Variants in SPOCK1 observed in about 807,000 individuals in gnomAD.
SPOCK1 encodes SPARC (osteonectin), cwcv and kazal like domains proteoglycan 1.
Under a neutral mutation model 55.3 loss-of-function variants are expected in SPOCK1, and 23 were observed. That is an observed-to-expected ratio of 0.42 (90% CI 0.30 to 0.59). SPOCK1 has a LOEUF of 0.59. Among genes scored for constraint, SPOCK1 ranks in the 20% least tolerant of loss-of-function variants. The pLI, the probability that SPOCK1 is intolerant of heterozygous loss-of-function variation, is 0.22. For synonymous variants in SPOCK1, 226 were observed against 221.0 expected, an observed-to-expected ratio of 1.02 and a Z score of -0.20; for missense variants, 499 against 552.5, an observed-to-expected ratio of 0.90 and a Z score of 0.97.
intron 2 of SPOCK1, among the ~76,000 whole-genome samples, chr5:137,465,232 C>T (rs1753595809): frequency 6.6e-6 from 1 of 152,118 alleles, no homozygotes; most frequent in African/African-American, 2.4e-5. Flanking sequence ...GAAGAGACTA[C>T]CAAATCAAAC....
chr5:136,985,974 T>TTCTTA (rs1750833189), intron 8 of SPOCK1, among the ~76,000 whole-genome samples: 1 of 152,130 alleles, frequency 6.6e-6, no homozygotes, highest in African/African-American at 2.4e-5. Flanking sequence ...GTTCTCTGAG[T>TTCTTA]TCTTATCTTT....
intron 3 of SPOCK1, among the ~76,000 whole-genome samples, chr5:137,168,692 A>C (rs1242013135): frequency 6.6e-6 from 1 of 152,176 alleles, no homozygotes; most frequent in Admixed American, 6.6e-5. Flanking sequence ...TTTTTTCCAT[A>C]AGACAGGCAA....
At chr5:137,202,970 A>T (rs1755453858) in intron 3 of SPOCK1, among the ~76,000 whole-genome samples, 1 of 152,246 alleles carries the variant, frequency 6.6e-6, no homozygotes, top group South Asian at 2.1e-4. Flanking sequence ...AAAGCACTCG[A>T]CTAATTAAAT....
At chr5:137,401,593 A>G (rs976040899) in intron 2 of SPOCK1, among the ~76,000 whole-genome samples, 1 of 151,966 alleles carries the variant, frequency 6.6e-6, no homozygotes, top group Non-Finnish European at 1.5e-5. Flanking sequence ...AAGTTTAAAA[A>G]AATTCACTGG....
chr5:137,218,171 T>C (rs528852480), intron 3 of SPOCK1, among the ~76,000 whole-genome samples: 1 of 152,356 alleles, frequency 6.6e-6, no homozygotes, highest in East Asian at 1.9e-4. Context: ...GATAATGGAA[T>C]CCCATCAGAG....
chr5:137,355,549 G>A (rs1191499394), intron 2 of SPOCK1, among the ~76,000 whole-genome samples: 4 of 152,178 alleles, frequency 2.6e-5, no homozygotes, highest in Non-Finnish European at 5.9e-5. Flanking sequence ...TCATCTCAAA[G>A]AGCAATCACA....
At chr5:137,429,265 C>A (rs1752695890) in intron 2 of SPOCK1, among the ~76,000 whole-genome samples, 1 of 152,192 alleles carries the variant, frequency 6.6e-6, no homozygotes, top group Non-Finnish European at 1.5e-5. Flanking sequence ...ACATATCCCG[C>A]AAAACATAAT....
intron 2 of SPOCK1, among the ~76,000 whole-genome samples, chr5:137,482,725 G>A (rs143612093): frequency 1.3e-3 from 200 of 152,308 alleles, no homozygotes; most frequent in African/African-American, 4.3e-3. Flanking sequence ...GGATCATCGC[G>A]TTGGAAATAA....
chr5:137,492,711 A>T (rs975814035), intron 2 of SPOCK1, among the ~76,000 whole-genome samples: 1 of 152,222 alleles, frequency 6.6e-6, no homozygotes, highest in Non-Finnish European at 1.5e-5. Context: ...GGAGGGCACA[A>T]TGAGAGTGTG....
chr5:137,470,081 T>C (rs1220053818), intron 2 of SPOCK1, among the ~76,000 whole-genome samples: 5 of 152,270 alleles, frequency 3.3e-5, no homozygotes, highest in African/African-American at 1.2e-4. Context: ...GCCACACTGA[T>C]CTCCTGCTCC....
At chr5:137,146,950 G>A (rs1754207941) in intron 3 of SPOCK1, among the ~76,000 whole-genome samples, 1 of 152,190 alleles carries the variant, frequency 6.6e-6, no homozygotes, top group African/African-American at 2.4e-5. Context: ...GAGACAAAGA[G>A]GCAGAGGAGA....
intron 2 of SPOCK1, among the ~76,000 whole-genome samples, chr5:137,398,185 A>G (rs560598895): frequency 6.6e-6 from 1 of 152,258 alleles, no homozygotes; most frequent in South Asian, 2.1e-4. Flanking sequence ...ATTTCTGAGC[A>G]TCTGCAAACC....
At chr5:137,405,677 A>G (rs959829189) in intron 2 of SPOCK1, among the ~76,000 whole-genome samples, 2 of 152,206 alleles carry the variant, frequency 1.3e-5, no homozygotes, top group Non-Finnish European at 2.9e-5. Flanking sequence ...AAACCCACCG[A>G]CAACATCGAA....
At chr5:136,979,505 A>G (rs199542320) in intron 9 of SPOCK1, 36 bp from the exon 10 acceptor site, 39 of 1,511,986 alleles carry the variant, frequency 2.6e-5, no homozygotes, top group Admixed American at 5.9e-5. Flanking sequence ...AATCAGAGAC[A>G]TGCAGATGAT....
chr5:137,444,786 C>A (rs1332258315), intron 2 of SPOCK1, among the ~76,000 whole-genome samples: 1 of 152,240 alleles, frequency 6.6e-6, no homozygotes, highest in Non-Finnish European at 1.5e-5. Context: ...TACAACCAGG[C>A]AAGGCCCTAA....
intron 7 of SPOCK1, among the ~76,000 whole-genome samples, chr5:136,990,714 A>G (rs187945214): frequency 5.9e-5 from 9 of 152,278 alleles, no homozygotes; most frequent in African/African-American, 1.9e-4. Context: ...TTTGTAAACA[A>G]TATTTTACAT....
chr5:137,293,930 T>C lies in SPOCK1; in HGVS notation c.187-26875A>G, dbSNP rs536735121. Among the ~76,000 whole-genome samples the C allele has an allele frequency of 5.9e-5, 9 of 152,232 alleles. No homozygotes were observed. The South Asian group carries it at 6.2e-4, about 11-fold the overall frequency. On this transcript the variant is annotated intron_variant, in intron 2 of 10. Transcript: ENST00000394945. ...TACTCGGGAGGCTGAGGCAGGAGAA[T>C]GGCATGAACCCGGGAGGCGGAGCTT...
rs1756254346 is a variant in SPOCK1, at chr5:137,240,078, A to G, written c.232+26932T>C. On this transcript the variant is annotated intron_variant, in intron 3 of 10. Transcript: ENST00000394945. ...TAAAATAGTACATATGAAATAAAAT[A>G]CCAAGGAATTGACTAAATAAGAAAT... Among the ~76,000 whole-genome samples, 3 of 152,336 alleles carry G rather than the reference A, an allele frequency of 2.0e-5. No homozygotes were observed. In the South Asian group the frequency reaches 6.2e-4, roughly 32 times the overall value.
chr5:137,132,196 ATCTC>A (rs1753899859), intron 4 of SPOCK1, among the ~76,000 whole-genome samples: 1 of 147,090 alleles, frequency 6.8e-6, no homozygotes, highest in Non-Finnish European at 1.5e-5. Context: ...AAAAAAAAAA[ATCTC>A]CAGAACTTGC....
Sources: allele counts gnomAD v4.1 joint callset (sites outside exome capture counted in the v4.1 genomes callset), GRCh38; gene constraint gnomAD v4.1.1; transcripts MANE v1.5; gene names NCBI Gene and HGNC (gene_info 2026-07-23, HGNC 2026-07-21).